PPFIA2: variants seen among roughly 807,000 people sequenced by gnomAD.
The protein encoded by PPFIA2 is liprin-alpha-2.
PPFIA2 carries 46 observed loss-of-function variants against 175.5 expected under a neutral mutation model. That is an observed-to-expected ratio of 0.26 (90% CI 0.21 to 0.34). The LOEUF (loss-of-function observed/expected upper bound fraction) is 0.34, where lower values mean the gene tolerates loss of function less well. Among genes scored for constraint, PPFIA2 ranks in the 10% least tolerant of loss-of-function variants. The probability of loss-of-function intolerance (pLI) is 1.00; values close to 1 mark genes in which losing one functional copy is unlikely to be tolerated. For synonymous variants in PPFIA2, 568 were observed against 511.4 expected (o/e 1.11, Z -1.49); for missense variants, 1,179 against 1,506.1 (o/e 0.78, Z 3.60).
chr12:81,301,982 G>A (rs537338302), intron 22 of PPFIA2, among the ~76,000 whole-genome samples: 1 of 152,166 alleles, frequency 6.6e-6, no homozygotes, highest in South Asian at 2.1e-4. Context: ...GTAAGCTCAG[G>A]GAGGATCTGT....
intron 22 of PPFIA2, among the ~76,000 whole-genome samples, chr12:81,303,658 A>G (rs2048418882): frequency 6.6e-6 from 1 of 152,142 alleles, no homozygotes; most frequent in Non-Finnish European, 1.5e-5. Context: ...ACATGTGGTG[A>G]GCACTCAGGT....
intron 4 of PPFIA2, among the ~76,000 whole-genome samples, chr12:81,605,573 A>T (rs2153460639): frequency 1.3e-5 from 2 of 151,998 alleles, no homozygotes; most frequent in South Asian, 4.1e-4. Context: ...ATCCTAGTAA[A>T]TTTATATGGA....
At chr12:81,327,244 T>C (rs2139854368) in intron 21 of PPFIA2, among the ~76,000 whole-genome samples, 2 of 151,932 alleles carry the variant, frequency 1.3e-5, no homozygotes, top group East Asian at 3.9e-4. Flanking sequence ...AGATGTGGAG[T>C]TTGAGGGCCA....
chr12:81,308,988 G>C (rs921247418), intron 22 of PPFIA2, among the ~76,000 whole-genome samples: 1 of 152,124 alleles, frequency 6.6e-6, no homozygotes, highest in Non-Finnish European at 1.5e-5. Flanking sequence ...AAATACATAT[G>C]TGGCTTGATA....
In PPFIA2 at chr12:81,294,943, G is replaced by A. The variant is rs530859467; in HGVS notation, c.2817C>T (p.Ile939=). Residue 939 remains isoleucine, a synonymous_variant, in exon 24 of 33, where the codon ATC becomes ATT. Coordinates refer to ENST00000549396, the MANE Select transcript of PPFIA2 (RefSeq NM_003625.5). The part of the protein sequence containing the change: ...AIMSALSDTE[I]QREIGISNPL... Reference sequence around the variant, plus strand: ...GATTGCTGATTCCAATTTCTCTCTGGATCTCAGTGTCAGATAAAGCAGACA... The same window carrying A: ...GATTGCTGATTCCAATTTCTCTCTGAATCTCAGTGTCAGATAAAGCAGACA... 3.0e-5 allele frequency: 49 copies of A among 1,613,644 alleles called. No individual in the cohort carries two copies. In the East Asian group the frequency reaches 7.8e-4, roughly 26 times the overall value.
chr12:81,559,639 T>C lies in PPFIA2; in HGVS notation c.304-101773A>G, dbSNP rs183941583. On this transcript the variant is annotated intron_variant, in intron 4 of 32. Transcript: ENST00000549396. ...GTTATAAACTTAAGAATGGGTTCAATTGCTATTGTGTCAAGGATTTCTCAA... is the reference window on the plus strand; with the variant it reads ...GTTATAAACTTAAGAATGGGTTCAACTGCTATTGTGTCAAGGATTTCTCAA... Among the ~76,000 whole-genome samples, 20 of 152,276 alleles carry C rather than the reference T, an allele frequency of 1.3e-4. No homozygotes were observed. In the East Asian group the frequency reaches 3.7e-3, roughly 28 times the overall value.
chr12:81,271,276 C>A (rs1200856305), intron 28 of PPFIA2, among the ~76,000 whole-genome samples: 1 of 151,556 alleles, frequency 6.6e-6, no homozygotes, highest in Non-Finnish European at 1.5e-5. Flanking sequence ...TTTCTTTTTT[C>A]TTTTATTTTT....
At chr12:81,320,192 A>G (rs2053349393) in intron 22 of PPFIA2, among the ~76,000 whole-genome samples, 1 of 152,052 alleles carries the variant, frequency 6.6e-6, no homozygotes, top group African/African-American at 2.4e-5. Flanking sequence ...AACCTGCCAA[A>G]TGCCAAAGAT....
At chr12:81,604,267 A>C (rs2060072439) in intron 4 of PPFIA2, among the ~76,000 whole-genome samples, 2 of 151,762 alleles carry the variant, frequency 1.3e-5, no homozygotes, top group Non-Finnish European at 3.0e-5. Flanking sequence ...AATGGTTGGG[A>C]AAATATGGCT....
intron 4 of PPFIA2, among the ~76,000 whole-genome samples, chr12:81,503,059 A>G (rs2060759633): frequency 6.6e-6 from 1 of 152,088 alleles, no homozygotes; most frequent in African/African-American, 2.4e-5. Flanking sequence ...AAAACCTTGC[A>G]TATGGATTCT....
At chr12:81,678,229 T>G (rs919735653) in intron 3 of PPFIA2, among the ~76,000 whole-genome samples, 4 of 151,768 alleles carry the variant, frequency 2.6e-5, no homozygotes, top group Non-Finnish European at 4.4e-5. Context: ...AAGTCCCAAT[T>G]GAAGTAATGG....
intron 23 of PPFIA2, 78 bp from the exon 24 acceptor site, chr12:81,295,113 T>C: frequency 7.5e-7 from 1 of 1,340,974 alleles, no homozygotes; most frequent in Non-Finnish European, 1.0e-6. Flanking sequence ...AGGAATTATT[T>C]TATGTATCTT....
At chr12:81,495,385 A>AT (rs572417177) in intron 4 of PPFIA2, among the ~76,000 whole-genome samples, 139 of 152,212 alleles carry the variant, frequency 9.1e-4, no homozygotes, top group Admixed American at 2.2e-3. Flanking sequence ...GAAAATTTAT[A>AT]TTTTTTTATT....
chr12:81,562,614 G>A (rs559705230), intron 4 of PPFIA2, among the ~76,000 whole-genome samples: 62 of 151,802 alleles, frequency 4.1e-4, no homozygotes, highest in African/African-American at 1.3e-3. Context: ...TTGGGAGGCC[G>A]AGGCGGGCGG....
intron 3 of PPFIA2, among the ~76,000 whole-genome samples, chr12:81,712,340 T>C (rs2078047365): frequency 6.6e-6 from 1 of 151,370 alleles, no homozygotes. Context: ...TGATACAAAG[T>C]ACTTAATATT....
intron 17 of PPFIA2, among the ~76,000 whole-genome samples, chr12:81,348,181 A>G (rs1441051677): frequency 6.6e-6 from 1 of 152,170 alleles, no homozygotes; most frequent in Non-Finnish European, 1.5e-5. Flanking sequence ...ATAGCTTAGA[A>G]AAAGTGAAAG....
chr12:81,555,651 T>G (rs1185762421), intron 4 of PPFIA2, among the ~76,000 whole-genome samples: 2 of 151,926 alleles, frequency 1.3e-5, no homozygotes, highest in African/African-American at 4.8e-5. Context: ...GCACAAAAAA[T>G]TACAATTTCT....
intron 20 of PPFIA2, among the ~76,000 whole-genome samples, chr12:81,340,218 T>C (rs1353175835): frequency 6.6e-6 from 1 of 152,086 alleles, no homozygotes; most frequent in Admixed American, 6.6e-5. Context: ...AACTGATTTT[T>C]CCACATTAAC....
At chr12:81,368,701 G>A in intron 13 of PPFIA2, 24 bp downstream of exon 13, 1 of 1,594,664 alleles carries the variant, frequency 6.3e-7, no homozygotes. Flanking sequence ...ATATTCATGT[G>A]ATTTTACCCT....
Sources: allele counts gnomAD v4.1 joint callset (sites outside exome capture counted in the v4.1 genomes callset), GRCh38; gene constraint gnomAD v4.1.1; transcripts MANE v1.5; gene names NCBI Gene and HGNC (gene_info 2026-07-23, HGNC 2026-07-21).